CERS6: variants seen among roughly 807,000 people sequenced by gnomAD.
CERS6 encodes the protein ceramide synthase 6.
In CERS6, 26 loss-of-function variants were observed where a neutral mutation model predicts 56.8. The observed-to-expected ratio is 0.46, with a 90% CI of 0.34 to 0.63. CERS6 has a LOEUF of 0.63. CERS6 is among the 30% of genes least tolerant of loss of function. The pLI is 0.01. For synonymous variants in CERS6, 164 were observed against 173.3 expected (o/e 0.95, Z 0.42); for missense variants, 415 against 467.5 (o/e 0.89, Z 1.04).
At chr2:168,593,967 G>A (rs1683735789) in intron 3 of CERS6, among the ~76,000 whole-genome samples, 1 of 152,166 alleles carries the variant, frequency 6.6e-6, no homozygotes, top group South Asian at 2.1e-4. Context: ...GAATGGTATT[G>A]CTACATTGGT....
chr2:168,699,590 T>G (rs1369940872), intron 6 of CERS6, among the ~76,000 whole-genome samples: 1 of 152,202 alleles, frequency 6.6e-6, no homozygotes, highest in African/African-American at 2.4e-5. Flanking sequence ...TCTTCTTTTT[T>G]GGCACCTTTT....
At chr2:168,756,160 C>G (rs1559082124) in intron 8 of CERS6, among the ~76,000 whole-genome samples, 1 of 152,140 alleles carries the variant, frequency 6.6e-6, no homozygotes, top group Non-Finnish European at 1.5e-5. Context: ...CATCCTGCCT[C>G]TATGAGGATG....
At chr2:168,673,924 A>T (rs1685986797) in intron 4 of CERS6, among the ~76,000 whole-genome samples, 1 of 152,190 alleles carries the variant, frequency 6.6e-6, no homozygotes, top group African/African-American at 2.4e-5. Flanking sequence ...TATGTAAAAT[A>T]TGTCTTCCAT....
At chr2:168,758,054 C>T (rs1684466098) in intron 8 of CERS6, among the ~76,000 whole-genome samples, 1 of 152,136 alleles carries the variant, frequency 6.6e-6, no homozygotes, top group Non-Finnish European at 1.5e-5. Context: ...TTTTAAATGC[C>T]CACTTTTTTT....
intron 4 of CERS6, among the ~76,000 whole-genome samples, chr2:168,668,953 A>T (rs1022212543): frequency 4.6e-5 from 7 of 152,198 alleles, no homozygotes; most frequent in African/African-American, 1.7e-4. Context: ...TTAGAAATTC[A>T]CAGGATGGGT....
At chr2:168,661,654 A>G (rs190329514) in intron 4 of CERS6, among the ~76,000 whole-genome samples, 36 of 152,326 alleles carry the variant, frequency 2.4e-4, no homozygotes, top group African/African-American at 7.7e-4. Flanking sequence ...TCTTTCTCTC[A>G]TGCATTCAGG....
At chr2:168,493,154 G>A (rs1008100857) in intron 1 of CERS6, among the ~76,000 whole-genome samples, 2 of 151,990 alleles carry the variant, frequency 1.3e-5, no homozygotes, top group Non-Finnish European at 2.9e-5. Flanking sequence ...TTTGAAACTG[G>A]ATGTTTTGGT....
chr2:168,749,690 G>A (rs1194544465), intron 8 of CERS6, among the ~76,000 whole-genome samples: 2 of 18,696 alleles, frequency 1.1e-4, no homozygotes, highest in Non-Finnish European at 2.1e-4. Flanking sequence ...GTCTTGCTGT[G>A]ATACCTCGAC....
chr2:168,661,060 G>T (rs1183055486), intron 4 of CERS6, among the ~76,000 whole-genome samples: 1 of 151,640 alleles, frequency 6.6e-6, no homozygotes, highest in African/African-American at 2.4e-5. Flanking sequence ...GCGGGAGGGG[G>T]TGGGGCAGTT....
At chr2:168,543,491 T>G (rs1409203248) in intron 1 of CERS6, among the ~76,000 whole-genome samples, 2 of 71,558 alleles carry the variant, frequency 2.8e-5, no homozygotes, top group African/African-American at 8.3e-5. Context: ...GTTTTTTACA[T>G]GGTCTAATGG....
chr2:168,458,508 AT>A (rs1693717907), intron 1 of CERS6, among the ~76,000 whole-genome samples: 1 of 152,040 alleles, frequency 6.6e-6, no homozygotes, highest in Non-Finnish European at 1.5e-5. Flanking sequence ...AACATTTTTT[AT>A]TTTCTTTCTT....
intron 3 of CERS6, among the ~76,000 whole-genome samples, chr2:168,582,421 C>CGTTCCT (rs1683436235): frequency 2.6e-5 from 4 of 152,124 alleles, no homozygotes; most frequent in African/African-American, 9.7e-5. Context: ...ACTATCTTGT[C>CGTTCCT]ACCTCTGATG....
chr2:168,633,840 C>G (rs1013127538), intron 4 of CERS6, among the ~76,000 whole-genome samples: 1 of 152,070 alleles, frequency 6.6e-6, no homozygotes, highest in Non-Finnish European at 1.5e-5. Flanking sequence ...ATAAATTTGT[C>G]TTTGTGTTCA....
Position 168,772,771 on chromosome 2 carries a change from C to T in CERS6, c.*3109C>T, listed in dbSNP as rs951009595. The T allele has an allele frequency of 6.5e-6, 1 of 152,774 alleles. No homozygotes were observed. Among genetic ancestry groups the T allele is most frequent in the Non-Finnish European group, 1.5e-5 (1 of 68,032 alleles). The allele number at this position is 152,774 out of a possible 1,614,324, so 9.5% of individuals were successfully genotyped here. On this transcript the variant is annotated 3_prime_UTR_variant, in exon 10 of 10. Coordinates refer to ENST00000305747, the MANE Select transcript of CERS6 (RefSeq NM_203463.3). Reference sequence around the variant, plus strand: ...GTGGTAAAAATGCAGATGATTGCTGCTTTACCCCAGGGTTTATTAGCATCC... The same window carrying T: ...GTGGTAAAAATGCAGATGATTGCTGTTTTACCCCAGGGTTTATTAGCATCC...
At chr2:168,636,619 C>T (rs1350609764) in intron 4 of CERS6, among the ~76,000 whole-genome samples, 1 of 152,174 alleles carries the variant, frequency 6.6e-6, no homozygotes, top group East Asian at 1.9e-4. Context: ...ACCCGTTGTC[C>T]TGGCTGTGCT....
At position 168,511,121 on chromosome 2, in the gene CERS6, T is replaced by C. The variant is rs531352628; in HGVS notation, c.171-36475T>C. On this transcript the variant is annotated intron_variant, in intron 1 of 9. Coordinates refer to ENST00000305747, the MANE Select transcript of CERS6 (RefSeq NM_203463.3). ...ATTCTCCTGTCCCAATCTGGAGTAA[T>C]TGATTTTCTGCATATGCTACACAGC... 9.8e-5 allele frequency among the ~76,000 whole-genome samples: 15 copies of C among 152,328 alleles called. No individual in the cohort carries two copies. In the South Asian group the frequency reaches 3.1e-3, roughly 32 times the overall value.
At chr2:168,730,442 AAGAG>A (rs931836302) in intron 8 of CERS6, among the ~76,000 whole-genome samples, 47 of 151,324 alleles carry the variant, frequency 3.1e-4, no homozygotes, top group Admixed American at 3.0e-3. Context: ...GAGTGAAGCA[AAGAG>A]AGAGGGCAGC....
rs1179368070 is a variant in CERS6, at chr2:168,481,849, G to A, written c.170+25231G>A. Among the ~76,000 whole-genome samples, 3 of 152,200 alleles carry A rather than the reference G, an allele frequency of 2.0e-5. No homozygotes were observed. In the East Asian group the frequency reaches 5.8e-4, roughly 29 times the overall value. On this transcript the variant is annotated intron_variant, in intron 1 of 9. Coordinates refer to ENST00000305747, the MANE Select transcript of CERS6 (RefSeq NM_203463.3). ...TATCCTCTTGTGTCTTGATGAATTT[G>A]AAATAGTACCAGCATGAATACATTT...
chr2:168,645,528 TA>T (rs1016039127), intron 4 of CERS6, among the ~76,000 whole-genome samples: 1 of 152,124 alleles, frequency 6.6e-6, no homozygotes, highest in African/African-American at 2.4e-5. Context: ...TAATTTTATT[TA>T]AAAAAATCTT....
Sources: gnomAD v4.1 joint callset for allele counts (sites outside exome capture counted in the v4.1 genomes callset) on GRCh38, gnomAD v4.1.1 for gene constraint, MANE v1.5 for transcripts, NCBI Gene and HGNC (gene_info 2026-07-23, HGNC 2026-07-21) for gene names.